RIMS2: variants seen among roughly 807,000 people sequenced by gnomAD.
The protein encoded by RIMS2 is regulating synaptic membrane exocytosis protein 2.
A neutral mutation model predicts 174.4 loss-of-function variants in RIMS2; 59 were observed. That is an observed-to-expected ratio of 0.34 (90% confidence interval 0.27 to 0.42). RIMS2 has a LOEUF of 0.42. Ranked by LOEUF, RIMS2 falls within the 10% of genes least tolerant of loss-of-function variation. RIMS2 has a pLI of 1.00. For synonymous variants in RIMS2, 606 were observed against 572.5 expected, an observed-to-expected ratio of 1.06 and a Z score of -0.84; for missense variants, 1,620 against 1,666.3, an observed-to-expected ratio of 0.97 and a Z score of 0.48.
At chr8:103,713,876 A>G (rs1330137737) in intron 2 of RIMS2, among the ~76,000 whole-genome samples, 1 of 152,076 alleles carries the variant, frequency 6.6e-6, no homozygotes, top group Non-Finnish European at 1.5e-5. Context: ...TATACTACTT[A>G]CACTTCTCTT....
rs187044259 is a variant in RIMS2, at chr8:103,808,246, G to A, written c.698+41709G>A. 1.7e-3 allele frequency among the ~76,000 whole-genome samples: 256 copies of A among 152,028 alleles called. 2 individuals are homozygous for A. Among genetic ancestry groups the A allele is most frequent in the East Asian group, 1.2e-3 (6 of 5,172 alleles). On this transcript the variant is annotated intron_variant, in intron 3 of 23. Transcript: ENST00000504942. ...AAAATACTGTCTTTTATTGTCTTCC[G>A]GGCTACCACACTCTCTCTCTTGACT...
chr8:103,782,434 G>A (rs75323947), intron 3 of RIMS2, among the ~76,000 whole-genome samples: 1 of 49,486 alleles, frequency 2.0e-5, no homozygotes, highest in African/African-American at 9.2e-5. Flanking sequence ...CATAAATCCC[G>A]TGTGTGTGTG....
chr8:103,679,426 G>A (rs1451664573), intron 1 of RIMS2, among the ~76,000 whole-genome samples: 1 of 151,928 alleles, frequency 6.6e-6, no homozygotes, highest in Non-Finnish European at 1.5e-5. Flanking sequence ...AGTGGCAAGT[G>A]TTGGAAATCC....
At chr8:103,730,368 T>C (rs1313743219) in intron 2 of RIMS2, among the ~76,000 whole-genome samples, 1 of 152,234 alleles carries the variant, frequency 6.6e-6, no homozygotes, top group Non-Finnish European at 1.5e-5. Flanking sequence ...GCAATTGTTA[T>C]ATTCTTTTGC....
At chr8:103,933,002 C>CA (rs2080316979) in intron 12 of RIMS2, among the ~76,000 whole-genome samples, 2 of 150,462 alleles carry the variant, frequency 1.3e-5, no homozygotes, top group African/African-American at 2.4e-5. Flanking sequence ...ACTAAAAATA[C>CA]AAAAAATTGG....
chr8:103,717,141 T>C (rs543552582), intron 2 of RIMS2, among the ~76,000 whole-genome samples: 2 of 148,952 alleles, frequency 1.3e-5, no homozygotes, highest in Admixed American at 6.7e-5. Context: ...GTGCCTTCTT[T>C]TTTTTTTTTT....
At chr8:103,867,538 T>G (rs900287483) in intron 3 of RIMS2, among the ~76,000 whole-genome samples, 8 of 151,914 alleles carry the variant, frequency 5.3e-5, no homozygotes, top group African/African-American at 1.9e-4. Flanking sequence ...AAGGAGTTAG[T>G]CTTTGATTAA....
rs541467735 is a variant in RIMS2 at position 104,015,397 on chromosome 8, TTTTTGTTTTTA to T, written c.3334+792_3334+802del. 1.7e-3 allele frequency: 1,174 copies of T among 681,552 alleles called. 12 individuals carry two copies. The highest frequency in any genetic ancestry group is 5.6e-4 in the Non-Finnish European group (212 of 376,324). The allele number at this position is 681,552 out of a possible 1,614,324, so 42.2% of individuals were successfully genotyped here. On this transcript the variant is annotated intron_variant, in intron 19 of 23. Coordinates refer to ENST00000504942, the Ensembl canonical transcript of RIMS2. ...TTTTGTTTGTTTGTTTTTGTTCTGT[TTTTTGTTTTTA>T]TTTTGTTTTCCCTAGACAATGGAGT...
At chr8:104,080,061 A>G (rs2097383982) in intron 19 of RIMS2, among the ~76,000 whole-genome samples, 1 of 152,094 alleles carries the variant, frequency 6.6e-6, no homozygotes, top group Non-Finnish European at 1.5e-5. Context: ...ACAATTATTG[A>G]TTTCCATCTA....
chr8:103,811,808 A>G (rs1034781088), intron 3 of RIMS2, among the ~76,000 whole-genome samples: 1 of 152,236 alleles, frequency 6.6e-6, no homozygotes, highest in African/African-American at 2.4e-5. Flanking sequence ...GGATTATTAA[A>G]GCAACCTAGT....
intron 17 of RIMS2, among the ~76,000 whole-genome samples, chr8:104,003,277 T>A (rs1177324737): frequency 1.3e-5 from 2 of 152,160 alleles, no homozygotes; most frequent in African/African-American, 2.4e-5. Flanking sequence ...AGGATATTTG[T>A]GACATTTTAA....
At chr8:103,660,456 C>A (rs796293643) in intron 1 of RIMS2, among the ~76,000 whole-genome samples, 23 of 152,300 alleles carry the variant, frequency 1.5e-4, no homozygotes, top group African/African-American at 5.1e-4. Flanking sequence ...TGAGAAGGCA[C>A]AGGGCAAGGA....
intron 19 of RIMS2, among the ~76,000 whole-genome samples, chr8:104,100,218 G>A (rs906687019): frequency 6.6e-6 from 1 of 152,048 alleles, no homozygotes; most frequent in Non-Finnish European, 1.5e-5. Context: ...AGATGCTATT[G>A]TAAATGGAAT....
chr8:104,178,628 C>T (rs577385208), intron 19 of RIMS2, among the ~76,000 whole-genome samples: 7 of 152,072 alleles, frequency 4.6e-5, no homozygotes, highest in Non-Finnish European at 8.8e-5. Context: ...TAGAATTCTG[C>T]CTACCATACA....
chr8:103,830,868 G>A (rs1389042459), intron 3 of RIMS2, among the ~76,000 whole-genome samples: 2 of 152,172 alleles, frequency 1.3e-5, no homozygotes, highest in Admixed American at 6.5e-5. Context: ...CAGTGCAGTA[G>A]TGCAGCCTTG....
At chr8:103,624,566 C>G (rs994933739) in intron 1 of RIMS2, among the ~76,000 whole-genome samples, 1 of 152,166 alleles carries the variant, frequency 6.6e-6, no homozygotes, top group Non-Finnish European at 1.5e-5. Context: ...CTTTTGCTTA[C>G]TGTCACCGTG....
At chr8:103,763,309 G>A (rs1252092012) in intron 2 of RIMS2, among the ~76,000 whole-genome samples, 1 of 152,062 alleles carries the variant, frequency 6.6e-6, no homozygotes. Flanking sequence ...GGTGGCACAT[G>A]CCCATACTCC....
intron 1 of RIMS2, among the ~76,000 whole-genome samples, chr8:103,664,973 GCAGGGACATGGATGCAGCTGGAAAC>G (rs1252211228): frequency 6.6e-6 from 1 of 152,188 alleles, no homozygotes; most frequent in African/African-American, 2.4e-5. Context: ...CATGTCCTTT[GCAGGGACATGGATGCAGCTGGAAAC>G]CATCATTCTA....
chr8:104,118,347 A>AT (rs1555245081), intron 19 of RIMS2, among the ~76,000 whole-genome samples: 2 of 140,690 alleles, frequency 1.4e-5, no homozygotes, highest in Non-Finnish European at 1.5e-5. Context: ...TTGTTTGTTT[A>AT]TTTTTTGTTT....
Sources: gnomAD v4.1 joint callset for allele counts (sites outside exome capture counted in the v4.1 genomes callset) on GRCh38, gnomAD v4.1.1 for gene constraint, MANE v1.5 for transcripts, NCBI Gene and HGNC (gene_info 2026-07-23, HGNC 2026-07-21) for gene names.